CNTN4: variants seen among roughly 807,000 people sequenced by gnomAD.
CNTN4 encodes the protein contactin-4.
Under a neutral mutation model 122.5 loss-of-function variants are expected in CNTN4, and 77 were observed. The ratio of observed to expected loss-of-function variants is 0.63; its 90% CI spans 0.52 to 0.76. CNTN4 has a LOEUF of 0.76. Ranked by LOEUF, CNTN4 falls within the 30% of genes least tolerant of loss-of-function variation. CNTN4 has a pLI of 0.00. For missense variants in CNTN4, 1,256 were observed against 1,259.1 expected (o/e 1.00, Z 0.04); for synonymous variants, 512 against 447.0 (o/e 1.15, Z -1.83).
At chr3:2,738,988 A>G (rs1381415604) in intron 5 of CNTN4, among the ~76,000 whole-genome samples, 1 of 152,130 alleles carries the variant, frequency 6.6e-6, no homozygotes, top group Admixed American at 6.5e-5. Flanking sequence ...ATTTTTAAGT[A>G]TATTTGTTAT....
intron 3 of CNTN4, among the ~76,000 whole-genome samples, chr3:2,524,807 C>T (rs1184953996): frequency 6.6e-6 from 1 of 152,002 alleles, no homozygotes. Flanking sequence ...TTATTAAGAC[C>T]ATGATAAATG....
At chr3:2,591,909 G>A (rs556491461) in intron 4 of CNTN4, among the ~76,000 whole-genome samples, 20 of 152,084 alleles carry the variant, frequency 1.3e-4, no homozygotes, top group East Asian at 1.2e-3. Context: ...GCAGGGTCTC[G>A]TTCTGTGAGA....
intron 3 of CNTN4, among the ~76,000 whole-genome samples, chr3:2,383,402 A>G (rs2046105686): frequency 6.6e-6 from 1 of 152,146 alleles, no homozygotes; most frequent in Admixed American, 6.5e-5. Flanking sequence ...TATACTTTCT[A>G]TGCACAGTTT....
intron 24 of CNTN4, among the ~76,000 whole-genome samples, 185 bp downstream of exon 24, chr3:3,054,160 G>A (rs756251902): frequency 4.6e-5 from 7 of 152,190 alleles, no homozygotes; most frequent in African/African-American, 7.2e-5. Flanking sequence ...CAGTTTGCCC[G>A]TGTTGACTGA....
At chr3:2,452,762 C>T (rs1159312725) in intron 3 of CNTN4, among the ~76,000 whole-genome samples, 1 of 151,998 alleles carries the variant, frequency 6.6e-6, no homozygotes, top group Admixed American at 6.6e-5. Context: ...TCTTATTACT[C>T]AGCTTATTTC....
intron 2 of CNTN4, among the ~76,000 whole-genome samples, chr3:2,122,590 A>T (rs564830413): frequency 9.5e-4 from 145 of 152,352 alleles, no homozygotes; most frequent in African/African-American, 3.2e-3. Flanking sequence ...ATGTGTGATT[A>T]TATCTGTAGG....
At chr3:2,943,776 A>C (rs1196029942) in intron 13 of CNTN4, among the ~76,000 whole-genome samples, 1 of 151,526 alleles carries the variant, frequency 6.6e-6, no homozygotes, top group Non-Finnish European at 1.5e-5. Flanking sequence ...GGCATGCACC[A>C]CCACACCCAG....
chr3:2,998,257 G>A (rs1174891427), intron 14 of CNTN4, among the ~76,000 whole-genome samples: 6 of 152,200 alleles, frequency 3.9e-5, no homozygotes, highest in Admixed American at 1.3e-4. Flanking sequence ...ACACTCTGAT[G>A]CAGTCCAAAT....
Position 2,887,122 on chromosome 3 carries a change from C to A in CNTN4, c.838C>A (p.Leu280Ile). Residue 280 changes from leucine to isoleucine, a missense_variant, in exon 10 of 25, where the codon CTT (leucine) becomes ATT (isoleucine). Coordinates refer to ENST00000418658, the MANE Select transcript of CNTN4 (RefSeq NM_175607.3). ...CAGAAGACACAAGTCAAATGGAATT[C>A]TTGAGATCCCTAATTTTCAGCAGGA... is the stretch of plus-strand genomic sequence containing the variant. ...KARRHKSNGI[L>I]EIPNFQQEDA... 6.2e-7 allele frequency: 1 copy of A among 1,614,058 alleles called. No homozygotes were observed. The highest frequency in any genetic ancestry group is 8.5e-7 in the Non-Finnish European group (1 of 1,179,988).
intron 14 of CNTN4, among the ~76,000 whole-genome samples, chr3:3,013,528 G>A (rs1317329648): frequency 2.0e-5 from 3 of 152,050 alleles, no homozygotes; most frequent in African/African-American, 7.2e-5. Context: ...CCTGCCATGG[G>A]AAAATAGCAG....
At chr3:2,481,936 CTTCTT>C (rs1355095667) in intron 3 of CNTN4, among the ~76,000 whole-genome samples, 3 of 152,162 alleles carry the variant, frequency 2.0e-5, no homozygotes, top group Non-Finnish European at 4.4e-5. Context: ...GTCAATTAAA[CTTCTT>C]TTCTTTATAA....
intron 4 of CNTN4, among the ~76,000 whole-genome samples, chr3:2,732,883 G>A (rs1320257176): frequency 6.6e-6 from 1 of 152,062 alleles, no homozygotes; most frequent in African/African-American, 2.4e-5. Context: ...TTCCTTCGAT[G>A]AGAACTGAAA....
At chr3:2,122,146 C>G (rs1261387714) in intron 2 of CNTN4, among the ~76,000 whole-genome samples, 1 of 139,898 alleles carries the variant, frequency 7.1e-6, no homozygotes, top group East Asian at 2.2e-4. Context: ...CAGAGCGACA[C>G]TCCATCTCAA....
chr3:2,708,723 C>G (rs6801439), intron 4 of CNTN4, among the ~76,000 whole-genome samples: 5 of 136,624 alleles, frequency 3.7e-5, no homozygotes, highest in Non-Finnish European at 7.8e-5. Flanking sequence ...CGCGCACGCG[C>G]GCATCACACA....
chr3:2,779,661 C>T (rs955340), intron 6 of CNTN4, among the ~76,000 whole-genome samples: 40,724 of 152,034 alleles, frequency 0.27, 6,077 homozygotes, highest in African/African-American at 0.4. Context: ...TCCTCAAAAG[C>T]TTAGTGTTCC....
chr3:2,762,104 T>C (rs1174185863), intron 6 of CNTN4, among the ~76,000 whole-genome samples: 2 of 152,046 alleles, frequency 1.3e-5, no homozygotes, highest in African/African-American at 4.8e-5. Flanking sequence ...TAACCTCAAG[T>C]GTGGTGAATG....
intron 7 of CNTN4, among the ~76,000 whole-genome samples, chr3:2,860,013 A>G (rs972505390): frequency 1.3e-5 from 2 of 152,222 alleles, no homozygotes; most frequent in African/African-American, 2.4e-5. Context: ...TTGCTTTTCC[A>G]TACCTCCACT....
At chr3:2,212,229 C>T (rs897211358) in intron 2 of CNTN4, among the ~76,000 whole-genome samples, 1 of 152,128 alleles carries the variant, frequency 6.6e-6, no homozygotes, top group East Asian at 1.9e-4. Context: ...CCTGTCTCAG[C>T]CTCCCAAAGT....
At chr3:2,121,117 C>T (rs1386405143) in intron 2 of CNTN4, among the ~76,000 whole-genome samples, 1 of 151,876 alleles carries the variant, frequency 6.6e-6, no homozygotes, top group Non-Finnish European at 1.5e-5. Context: ...CCTTCTCTCC[C>T]TCCCTCTCTT....
Sources: gnomAD v4.1 joint callset for allele counts (sites outside exome capture counted in the v4.1 genomes callset) on GRCh38, gnomAD v4.1.1 for gene constraint, MANE v1.5 for transcripts, NCBI Gene and HGNC (gene_info 2026-07-23, HGNC 2026-07-21) for gene names.